The following BTF3L4 variants were observed in gnomAD, a reference collection of about 807,000 sequenced individuals.
BTF3L4 encodes basic transcription factor 3 like 4.
Under a neutral mutation model 16.8 loss-of-function variants are expected in BTF3L4, and 6 were observed. That is an observed-to-expected ratio of 0.36 (90% CI 0.20 to 0.71). BTF3L4 has a LOEUF of 0.71. Among genes scored for constraint, BTF3L4 ranks in the 30% least tolerant of loss-of-function variants. The pLI, the probability that BTF3L4 is intolerant of heterozygous loss-of-function variation, is 0.58. For missense variants in BTF3L4, 92 were observed against 186.9 expected (o/e 0.49, Z 2.96); for synonymous variants, 39 against 59.8 (o/e 0.65, Z 1.60).
rs1643992180 is a variant in BTF3L4 at position 52,088,563 on chromosome 1, A to AC, written c.*1805_*1806insC. 2.6e-5 allele frequency: 4 copies of AC among 152,600 alleles called. No individual in the cohort carries two copies. The highest frequency in any genetic ancestry group is 5.9e-5 in the Non-Finnish European group (4 of 68,054). 9.5% of individuals were successfully genotyped at this position (152,600 alleles called of 1,614,324 possible). A position where few individuals can be genotyped will look rare whatever the true frequency, so the allele number is the denominator to read the frequency against. ...CTACACAGTCCAGAATTCTTTCTCT[A>AC]ATTGTCCCAAAGGGGGACATTGTGG... On this transcript the variant is annotated 3_prime_UTR_variant, in exon 6 of 6. Coordinates refer to ENST00000313334, the MANE Select transcript of BTF3L4 (RefSeq NM_152265.5).
At chr1:52,065,056 T>C (rs886484070) in intron 3 of BTF3L4, 118 bp downstream of exon 3, 2 of 487,642 alleles carry the variant, frequency 4.1e-6, no homozygotes, top group African/African-American at 4.2e-5. Flanking sequence ...TCTGATGTCT[T>C]TGAAGGACTG....
At position 52,071,929 on chromosome 1, in the gene BTF3L4, CT is replaced by C. The variant is rs1558007149; in HGVS notation, c.168+6992del. ...TTTTGGCTTTTTGTTTTGTTTTTTA[CT>C]CTGTGTGTGTGTGTGTGTGTGTGTG... On this transcript the variant is annotated intron_variant, in intron 3 of 5. Coordinates refer to ENST00000313334, the MANE Select transcript of BTF3L4 (RefSeq NM_152265.5). Among the ~76,000 whole-genome samples the C allele has an allele frequency of 1.0e-4, 8 of 78,980 alleles. No homozygotes were observed. The East Asian group carries it at 2.6e-3, about 26-fold the overall frequency. The allele number at this position is 78,980 out of a possible 152,430, so 51.8% of individuals were successfully genotyped here.
rs192860281 is a variant in BTF3L4, at chr1:52,085,241, A to C, written c.371-871A>C. ...TCACCGTCTTGGCCCGGCTGGTCTT[A>C]AACTCCTGACCTCGTGATCCACCTG... On this transcript the variant is annotated intron_variant, in intron 4 of 5. Coordinates refer to ENST00000313334, the MANE Select transcript of BTF3L4 (RefSeq NM_152265.5). Among the ~76,000 whole-genome samples the C allele has an allele frequency of 3.9e-3, 590 of 151,708 alleles. 5 individuals carry two copies. Among genetic ancestry groups the C allele is most frequent in the African/African-American group, 0.014 (572 of 41,416 alleles).
chr1:52,085,590 C>T (rs1267876829), intron 4 of BTF3L4, among the ~76,000 whole-genome samples: 1 of 151,968 alleles, frequency 6.6e-6, no homozygotes, highest in Non-Finnish European at 1.5e-5. Context: ...TGGCTTATGT[C>T]GGTAATCCCA....
intron 2 of BTF3L4, among the ~76,000 whole-genome samples, chr1:52,062,197 C>CTTTTT (rs34904880): frequency 1.1e-4 from 6 of 53,660 alleles, no homozygotes; most frequent in African/African-American, 3.3e-4. Flanking sequence ...CCGCCTCGGC[C>CTTTTT]TTTTTTTTTT....
intron 2 of BTF3L4, 145 bp downstream of exon 2, chr1:52,060,046 A>G: frequency 1.4e-6 from 1 of 740,586 alleles, no homozygotes; most frequent in Non-Finnish European, 2.2e-6. Context: ...ACTTGTCTAG[A>G]TCTAAAATAG....
At chr1:52,075,560 TAA>T (rs1379153147) in intron 3 of BTF3L4, among the ~76,000 whole-genome samples, 1 of 146,564 alleles carries the variant, frequency 6.8e-6, no homozygotes, top group Non-Finnish European at 1.5e-5. Flanking sequence ...AAATAATAAA[TAA>T]AATATATTTT....
chr1:52,065,155 T>C, intron 3 of BTF3L4: 1 of 312,626 alleles, frequency 3.2e-6, no homozygotes, highest in Non-Finnish European at 5.9e-6. Context: ...CTTTTCAAGC[T>C]CAAGATATTT....
chr1:52,081,055 G>GTC (rs934626590), intron 3 of BTF3L4, among the ~76,000 whole-genome samples: 1 of 149,218 alleles, frequency 6.7e-6, no homozygotes, highest in African/African-American at 2.5e-5. Context: ...GGCCAGGATG[G>GTC]TCTCTATTTC....
chr1:52,059,838 T>C lies in BTF3L4; in HGVS notation c.-10T>C. ...AAATCTATTTTTCCCCCCCTAGATT[T>C]ACCAACAGCATGAATCAAGAAAAGT... is the stretch of plus-strand genomic sequence containing the variant. On this transcript the variant is annotated 5_prime_UTR_variant, in exon 2 of 6. Transcript: ENST00000313334. The C allele has an allele frequency of 6.2e-7, 1 of 1,613,622 alleles. No individual in the cohort carries two copies. Among genetic ancestry groups the C allele is most frequent in the Non-Finnish European group, 8.5e-7 (1 of 1,179,670 alleles).
At chr1:52,064,791 C>A in intron 2 of BTF3L4, 34 bp from the exon 3 acceptor site, 2 of 1,418,866 alleles carry the variant, frequency 1.4e-6, no homozygotes, top group Non-Finnish European at 2.0e-6. Flanking sequence ...GCCAGGCATG[C>A]TAACACTTCT....
At chr1:52,080,494 A>G (rs1347107008) in intron 3 of BTF3L4, among the ~76,000 whole-genome samples, 1 of 132,790 alleles carries the variant, frequency 7.5e-6, no homozygotes, top group Non-Finnish European at 1.6e-5. Context: ...ACCCAGAAGC[A>G]TTTTAGAAAT....
At chr1:52,084,270 G>T (rs975009300) in intron 4 of BTF3L4, among the ~76,000 whole-genome samples, 1 of 152,052 alleles carries the variant, frequency 6.6e-6, no homozygotes, top group Non-Finnish European at 1.5e-5. Flanking sequence ...CTCCCGAGTA[G>T]CAGGGACTAC....
intron 3 of BTF3L4, among the ~76,000 whole-genome samples, chr1:52,068,121 CT>C (rs1463146442): frequency 6.6e-6 from 1 of 152,098 alleles, no homozygotes; most frequent in Non-Finnish European, 1.5e-5. Context: ...ATTAGTAAAA[CT>C]TTTAGTGTAG....
chr1:52,087,979 A>G lies in BTF3L4; in HGVS notation c.*1221A>G, dbSNP rs1417260082. On this transcript the variant is annotated 3_prime_UTR_variant, in exon 6 of 6. Transcript: ENST00000313334. Reference sequence around the variant, plus strand: ...TAATGCTTTGAGGGGAGCACTGGTAAAACACAGTATTTATTTTTTTACCTC... The same window carrying G: ...TAATGCTTTGAGGGGAGCACTGGTAGAACACAGTATTTATTTTTTTACCTC... 1 of 152,590 alleles carries G rather than the reference A, an allele frequency of 6.6e-6. No homozygotes were observed. The highest frequency in any genetic ancestry group is 1.5e-5 in the Non-Finnish European group (1 of 68,026). 9.5% of individuals were successfully genotyped at this position (152,590 alleles called of 1,614,324 possible). A position where few individuals can be genotyped will look rare whatever the true frequency, so the allele number is the denominator to read the frequency against.
intron 3 of BTF3L4, among the ~76,000 whole-genome samples, chr1:52,072,121 C>A (rs1686806455): frequency 6.7e-6 from 1 of 149,676 alleles, no homozygotes; most frequent in Non-Finnish European, 1.5e-5. Context: ...GTGGTGCGAT[C>A]TCGGCTCACT....
intron 3 of BTF3L4, among the ~76,000 whole-genome samples, chr1:52,081,300 A>G (rs2124443479): frequency 6.6e-6 from 1 of 151,554 alleles, no homozygotes; most frequent in African/African-American, 2.4e-5. Flanking sequence ...ATGCCTGGCT[A>G]TTTTTGTATT....
intron 1 of BTF3L4, among the ~76,000 whole-genome samples, chr1:52,058,825 C>G (rs560766556): frequency 6.6e-6 from 1 of 152,304 alleles, no homozygotes; most frequent in East Asian, 1.9e-4. Flanking sequence ...GCCTCGAACT[C>G]CCGACCTCAG....
At chr1:52,066,786 C>T (rs980701508) in intron 3 of BTF3L4, among the ~76,000 whole-genome samples, 36 of 150,480 alleles carry the variant, frequency 2.4e-4, no homozygotes, top group Non-Finnish European at 4.1e-4. Context: ...GGGGAGCTTG[C>T]AGTGAGCCGA....
Sources: allele counts gnomAD v4.1 joint callset (sites outside exome capture counted in the v4.1 genomes callset), GRCh38; gene constraint gnomAD v4.1.1; transcripts MANE v1.5; gene names NCBI Gene and HGNC (gene_info 2026-07-23, HGNC 2026-07-21).